The following STK33 variants were observed in gnomAD, a reference collection of about 807,000 sequenced individuals.
The protein encoded by STK33 is serine/threonine kinase 33.
A neutral mutation model predicts 58.0 loss-of-function variants in STK33; 52 were observed. The ratio of observed to expected loss-of-function variants is 0.90; its 90% CI spans 0.72 to 1.13. STK33 has a LOEUF of 1.13. Ranked by LOEUF, STK33 falls within the 50% of genes most tolerant of loss-of-function variation. The probability of loss-of-function intolerance (pLI) is 0.00; values close to 1 mark genes in which losing one functional copy is unlikely to be tolerated. For synonymous variants in STK33, 215 were observed against 200.1 expected (o/e 1.07, Z -0.63); for missense variants, 630 against 604.2 (o/e 1.04, Z -0.45).
chr11:8,428,468 C>T (rs1943036184), intron 14 of STK33, among the ~76,000 whole-genome samples: 1 of 152,182 alleles, frequency 6.6e-6, no homozygotes, highest in African/African-American at 2.4e-5. Flanking sequence ...TTCTCTGAAT[C>T]CTGGTATCAT....
chr11:8,458,666 A>C (rs1947165683), intron 8 of STK33, among the ~76,000 whole-genome samples: 1 of 152,106 alleles, frequency 6.6e-6, no homozygotes, highest in Admixed American at 6.5e-5. Flanking sequence ...TATTAAGATC[A>C]CTTTAGGTAT....
rs550366256 is a variant in STK33, at chr11:8,418,866, T to C, written c.1147-5174A>G. Among the ~76,000 whole-genome samples the C allele has an allele frequency of 3.9e-5, 6 of 152,300 alleles. No homozygotes were observed. The East Asian group carries it at 9.6e-4, about 24-fold the overall frequency. ...TCAGTGATCTTGAGCTTTTTTCGTATGCTTGTTGGCTGCATATATGCCCCA... is the reference window on the plus strand; with the variant it reads ...TCAGTGATCTTGAGCTTTTTTCGTACGCTTGTTGGCTGCATATATGCCCCA... On this transcript the variant is annotated intron_variant, in intron 14 of 15. Transcript: ENST00000687296.
chr11:8,345,617 A>AGGC, the STK33 span, among the ~76,000 whole-genome samples: 1 of 152,330 alleles, frequency 6.6e-6, no homozygotes, highest in Admixed American at 6.5e-5. Context: ...TGGTTGAGCA[A>AGGC]GGCTCTTTAC....
intron 11 of STK33, among the ~76,000 whole-genome samples, chr11:8,445,174 GCTCT>G (rs376103636): frequency 3.0e-4 from 45 of 152,098 alleles, no homozygotes; most frequent in African/African-American, 9.6e-4. Flanking sequence ...CCTCGATTTG[GCTCT>G]CTGTCTGTTA....
At chr11:8,422,992 C>T (rs902934886) in intron 14 of STK33, among the ~76,000 whole-genome samples, 1 of 149,998 alleles carries the variant, frequency 6.7e-6, no homozygotes, top group Non-Finnish European at 1.5e-5. Flanking sequence ...GGGCATGGGC[C>T]ACCATGCCCG....
At chr11:8,458,237 A>G (rs1000688210) in intron 8 of STK33, among the ~76,000 whole-genome samples, 2 of 152,202 alleles carry the variant, frequency 1.3e-5, no homozygotes, top group Non-Finnish European at 2.9e-5. Flanking sequence ...AAGGCCATGG[A>G]GTCTCTTTCA....
intron 1 of STK33, among the ~76,000 whole-genome samples, chr11:8,501,556 T>A (rs930892028): frequency 2.6e-5 from 4 of 152,076 alleles, no homozygotes; most frequent in Non-Finnish European, 4.4e-5. Flanking sequence ...GGAGAGTGTA[T>A]AAAGAGATGT....
chr11:8,533,392 A>T (rs926747821), intron 1 of STK33: 1 of 152,270 alleles, frequency 6.6e-6, no homozygotes, highest in African/African-American at 2.4e-5. Context: ...CAGTGTGCGT[A>T]AGCAACAGTT....
chr11:8,488,176 A>G (rs1041802027), intron 1 of STK33, among the ~76,000 whole-genome samples: 5 of 152,182 alleles, frequency 3.3e-5, no homozygotes, highest in African/African-American at 1.2e-4. Context: ...TTGCCAGTAC[A>G]AAATGCCTCC....
chr11:8,411,628 C>T (rs1488390819), intron 15 of STK33, among the ~76,000 whole-genome samples: 2 of 152,166 alleles, frequency 1.3e-5, no homozygotes, highest in Non-Finnish European at 2.9e-5. Context: ...CTCCTACCCA[C>T]CTTGCAAGAA....
intron 14 of STK33, chr11:8,434,335 T>C (rs564850325): frequency 6.4e-6 from 1 of 156,414 alleles, no homozygotes; most frequent in Non-Finnish European, 1.4e-5. Context: ...CCTAACACAG[T>C]GTATAGCAAA....
At chr11:8,499,448 T>C (rs1291417094) in intron 1 of STK33, among the ~76,000 whole-genome samples, 3 of 152,124 alleles carry the variant, frequency 2.0e-5, no homozygotes, top group African/African-American at 7.2e-5. Flanking sequence ...TGTGGAGAAA[T>C]AGGAGCGCTG....
downstream of STK33, among the ~76,000 whole-genome samples, chr11:8,389,137 G>C (rs1848584303): frequency 6.6e-6 from 1 of 152,206 alleles, no homozygotes; most frequent in South Asian, 2.1e-4. Flanking sequence ...CACTGAGAGG[G>C]TTTGGGAAAA....
the STK33 span, among the ~76,000 whole-genome samples, chr11:8,361,165 A>C: frequency 1.3e-5 from 2 of 152,152 alleles, no homozygotes; most frequent in Non-Finnish European, 1.5e-5. This position sits in a 1 kb window ranked among gnomAD's most constrained non-coding sequence, Gnocchi z 4.8. Context: ...CCTGAGGTTC[A>C]TTCATCTATC....
intron 1 of STK33, among the ~76,000 whole-genome samples, chr11:8,553,023 G>T (rs1006657139): frequency 6.6e-6 from 1 of 150,736 alleles, no homozygotes; most frequent in Non-Finnish European, 1.5e-5. Flanking sequence ...CAGGCATGTG[G>T]CACACACCTG....
chr11:8,531,476 G>T (rs544478647), intron 1 of STK33, among the ~76,000 whole-genome samples: 43 of 152,332 alleles, frequency 2.8e-4, no homozygotes, highest in African/African-American at 9.6e-4. Flanking sequence ...ATGACAGCTG[G>T]GTTGGAGCTC....
intron 15 of STK33, among the ~76,000 whole-genome samples, chr11:8,396,272 T>C (rs1454484241): frequency 4.6e-5 from 7 of 152,130 alleles, no homozygotes; most frequent in Non-Finnish European, 7.3e-5. Flanking sequence ...CCCAGCTAAT[T>C]TTTGTATTTT....
chr11:8,379,354 G>A, the STK33 span, among the ~76,000 whole-genome samples: 1 of 152,096 alleles, frequency 6.6e-6, no homozygotes, highest in Admixed American at 6.5e-5. Context: ...AGAGTAAACA[G>A]ACAACCCACA....
chr11:8,395,755 C>T (rs1253890641), intron 15 of STK33, among the ~76,000 whole-genome samples: 1 of 152,166 alleles, frequency 6.6e-6, no homozygotes, highest in Non-Finnish European at 1.5e-5. Flanking sequence ...TTTGCAAGCA[C>T]ATTTTGCACA....
Sources: gnomAD v4.1 joint callset for allele counts (sites outside exome capture counted in the v4.1 genomes callset) on GRCh38, gnomAD v4.1.1 for gene constraint, Gnocchi (gnomAD v3.1) non-coding constraint, MANE v1.5 for transcripts, NCBI Gene and HGNC (gene_info 2026-07-23, HGNC 2026-07-21) for gene names.